Variants in SCN7A observed in about 807,000 individuals in gnomAD.
The protein encoded by SCN7A is sodium voltage-gated channel alpha subunit 7, also known as sodium channel protein type 7 subunit alpha.
SCN7A carries 138 observed loss-of-function variants against 155.2 expected under a neutral mutation model. The observed-to-expected ratio is 0.89, with a 90% CI of 0.77 to 1.02. SCN7A has a LOEUF of 1.02. Among genes scored for constraint, SCN7A ranks in the 50% least tolerant of loss-of-function variants. SCN7A has a pLI of 0.00. For synonymous variants in SCN7A, 693 were observed against 649.0 expected (o/e 1.07, Z -1.03); for missense variants, 2,058 against 1,986.6 (o/e 1.04, Z -0.68).
Position 166,423,426 on chromosome 2 carries a change from C to G in SCN7A, c.2860G>C (p.Glu954Gln). Residue 954 changes from glutamate (E) to glutamine (Q), a missense_variant, in exon 19 of 26, where the codon GAA becomes CAA. Coordinates refer to ENST00000643258, the MANE Select transcript of SCN7A (RefSeq NM_002976.4). The part of the protein sequence containing the change: ...TLLSTGTLAF[E>Q]DIYMDQRKTI... The stretch of plus-strand genomic sequence containing the variant: ...TTTCTCTGATCCATATATATATCTT[C>G]AAAAGCCTGTGGGTAAAAATAAAAA... 6.5e-7 allele frequency: 1 copy of G among 1,540,978 alleles called. No homozygotes were observed. The highest frequency in any genetic ancestry group is 8.7e-7 in the Non-Finnish European group (1 of 1,150,454).
intron 15 of SCN7A, among the ~76,000 whole-genome samples, chr2:166,440,371 C>T (rs1289908395): frequency 4.6e-5 from 7 of 152,138 alleles, no homozygotes; most frequent in African/African-American, 1.7e-4. Flanking sequence ...ACACAAATCA[C>T]CTGGGAACAG....
intron 2 of SCN7A, among the ~76,000 whole-genome samples, chr2:166,479,236 T>C (rs1321345773): frequency 1.3e-5 from 2 of 152,150 alleles, no homozygotes; most frequent in African/African-American, 4.8e-5. Flanking sequence ...AGTGAGTTGT[T>C]TAATACTTTA....
rs191417723 is a variant in SCN7A, at chr2:166,459,669, A to G, written c.1084-2593T>C. On this transcript the variant is annotated intron_variant, in intron 10 of 25. Coordinates refer to ENST00000643258, the MANE Select transcript of SCN7A (RefSeq NM_002976.4). ...TAAAATCAAAACAAACTCTATCTATATTAGTCAGTAAAAACTTGGAGTACA... is the reference window on the plus strand; with the variant it reads ...TAAAATCAAAACAAACTCTATCTATGTTAGTCAGTAAAAACTTGGAGTACA... Among the ~76,000 whole-genome samples, 134 of 152,324 alleles carry G rather than the reference A, an allele frequency of 8.8e-4. No individual in the cohort carries two copies. In the Middle Eastern group the frequency reaches 0.01, roughly 12 times the overall value.
At chr2:166,408,033 A>G (rs926849964) in intron 25 of SCN7A, among the ~76,000 whole-genome samples, 14 of 151,896 alleles carry the variant, frequency 9.2e-5, no homozygotes, top group Admixed American at 4.6e-4. Flanking sequence ...CTCTATCTTG[A>G]AGACTCTATT....
chr2:166,432,772 G>A lies in SCN7A; in HGVS notation c.2158-20C>T, dbSNP rs940618365. 6.8e-6 allele frequency: 10 copies of A among 1,475,474 alleles called. No individual in the cohort carries two copies. The highest frequency in any genetic ancestry group is 9.0e-6 in the Non-Finnish European group (10 of 1,111,708). 91.4% of individuals were successfully genotyped at this position (1,475,474 alleles called of 1,614,324 possible). On this transcript the variant is annotated intron_variant, in intron 15 of 25. Coordinates refer to ENST00000643258, the MANE Select transcript of SCN7A (RefSeq NM_002976.4). ...AAGTACCTAAATAAGGAAGTAAAAT[G>A]AGGCTAAATGTATCTCATTTTGTTT...
chr2:166,412,601 A>G lies in SCN7A; in HGVS notation c.3535T>C (p.Phe1179Leu), dbSNP rs1477187166. The G allele has an allele frequency of 6.6e-7, 1 of 1,524,118 alleles. No individual in the cohort carries two copies. Among genetic ancestry groups the G allele is most frequent in the East Asian group, 2.5e-5 (1 of 39,830 alleles). The allele number at this position is 1,524,118 out of a possible 1,614,324, so 94.4% of individuals were successfully genotyped here. A position where few individuals can be genotyped will look rare whatever the true frequency, so the allele number is the denominator to read the frequency against. The change falls in exon 23 of 26, where the codon TTT (phenylalanine) becomes CTT (leucine). Residue 1179 changes from phenylalanine (F) to leucine (L), a missense_variant. Phe to Leu is a conservative substitution (Grantham distance 22, BLOSUM62 0). Coordinates refer to ENST00000643258, the MANE Select transcript of SCN7A (RefSeq NM_002976.4). ...MYCYFINFII[F>L]GVFLPLSMLI... ...ATACTCAGAGGGAGAAATACTCCAA[A>G]TATAATAAAGTTGATAAAGTAACAA...
chr2:166,486,172 T>C (rs1381893337), intron 2 of SCN7A, among the ~76,000 whole-genome samples: 1 of 152,204 alleles, frequency 6.6e-6, no homozygotes, highest in Non-Finnish European at 1.5e-5. Context: ...CTGACCTCCT[T>C]GAGTATCCTC....
At chr2:166,414,698 G>T (rs1701322348) in intron 21 of SCN7A, 1 of 135,960 alleles carries the variant, frequency 7.4e-6, no homozygotes, top group Non-Finnish European at 1.5e-5. Flanking sequence ...ATAGATACAC[G>T]AGCTTACTTC....
At chr2:166,455,954 G>T (rs946517330) in intron 11 of SCN7A, among the ~76,000 whole-genome samples, 2 of 151,986 alleles carry the variant, frequency 1.3e-5, no homozygotes, top group Admixed American at 1.3e-4. Flanking sequence ...TGCCAGTATC[G>T]TTAGACTACA....
At chr2:166,407,015 G>A (rs935364567) in intron 25 of SCN7A, among the ~76,000 whole-genome samples, 5 of 151,856 alleles carry the variant, frequency 3.3e-5, no homozygotes, top group Admixed American at 1.3e-4. Context: ...AATCTTTATT[G>A]AATGCCCAAT....
Position 166,427,875 on chromosome 2 carries a change from G to T in SCN7A, c.2766C>A (p.Asn922Lys), listed in dbSNP as rs768085928. Residue 922 changes from asparagine to lysine, a missense_variant, in exon 18 of 26, where the codon AAC (asparagine) becomes AAA (lysine). Asn to Lys is a moderately conservative substitution (Grantham distance 94, BLOSUM62 0). Coordinates refer to ENST00000643258, the MANE Select transcript of SCN7A (RefSeq NM_002976.4). ...CAATCTTGCAGCAGGTTTTCCTGAT[G>T]TTCTGCCAGATTTTTCCTTTCTTGG... ...GASKKGKIWQ[N>K]IRKTCCKIVE... 2.1e-5 allele frequency: 34 copies of T among 1,612,762 alleles called. No homozygotes were observed. Among genetic ancestry groups the T allele is most frequent in the Non-Finnish European group, 2.7e-5 (32 of 1,179,298 alleles).
intron 5 of SCN7A, 22 bp downstream of exon 5, chr2:166,473,777 A>G (rs774266139): frequency 4.9e-6 from 4 of 811,102 alleles, no homozygotes; most frequent in African/African-American, 3.7e-5. Flanking sequence ...GATATTATGT[A>G]TAAAATAATT....
intron 15 of SCN7A, among the ~76,000 whole-genome samples, chr2:166,438,461 C>T (rs2105426572): frequency 6.6e-6 from 1 of 152,196 alleles, no homozygotes; most frequent in South Asian, 2.1e-4. Flanking sequence ...GAAATTTGAA[C>T]CTATGTTTCT....
intron 19 of SCN7A, among the ~76,000 whole-genome samples, chr2:166,422,631 GA>G (rs2105392735): frequency 6.6e-6 from 1 of 152,268 alleles, no homozygotes; most frequent in South Asian, 2.1e-4. Context: ...TGGACAGGGG[GA>G]AGGAAGCATA....
intron 15 of SCN7A, among the ~76,000 whole-genome samples, chr2:166,437,744 T>C (rs1559103339): frequency 6.6e-6 from 1 of 152,100 alleles, no homozygotes; most frequent in Non-Finnish European, 1.5e-5. Flanking sequence ...TAAAAGGAGA[T>C]CATTTTGGAA....
In SCN7A at chr2:166,409,708, C is replaced by T. The variant is rs35864629; in HGVS notation, c.3939G>A (p.Ala1313=). The T allele has an allele frequency of 2.8e-3, 4,378 of 1,539,586 alleles. 5 individuals carry two copies. The highest frequency in any genetic ancestry group is 3.5e-3 in the Non-Finnish European group (4,009 of 1,142,998). ...IAFRCFYFTI[A]WNIFDFMVVI... is the part of the protein sequence containing the mutation. ...CCACCATAAAATCAAAAATGTTCCACGCAATGGTGAAATAAAAACAACGGA... is the reference window on the plus strand; with the variant it reads ...CCACCATAAAATCAAAAATGTTCCATGCAATGGTGAAATAAAAACAACGGA... Residue 1313 remains alanine (A), a synonymous_variant, in exon 25 of 26, where the codon GCG becomes GCA. Transcript: ENST00000643258.
At chr2:166,451,601 C>T (rs1334922247) in intron 11 of SCN7A, among the ~76,000 whole-genome samples, 1 of 152,176 alleles carries the variant, frequency 6.6e-6, no homozygotes, top group Non-Finnish European at 1.5e-5. Flanking sequence ...TTGTCATGGA[C>T]TCAGGGTTAC....
intron 16 of SCN7A, among the ~76,000 whole-genome samples, chr2:166,429,959 C>A (rs1469884428): frequency 1.3e-5 from 2 of 151,892 alleles, no homozygotes; most frequent in Non-Finnish European, 2.9e-5. Context: ...ATACTCTTTG[C>A]CTTTATTTAA....
rs1702730886 is a variant in SCN7A, at chr2:166,474,321, A to G, written c.258T>C (p.Asn86=). ...CCGCATTGAATCTGAAGATTGTTCTATTTTTATTTAATACTATGAAAGTCT... is the reference window on the plus strand; with the variant it reads ...CCGCATTGAATCTGAAGATTGTTCTGTTTTTATTTAATACTATGAAAGTCT... ...KKNTFIVLNK[N]RTIFRFNAAS... The change falls in exon 4 of 26, where the codon AAT becomes AAC. Residue 86 remains asparagine (N), a synonymous_variant. Coordinates refer to ENST00000643258, the MANE Select transcript of SCN7A (RefSeq NM_002976.4). The G allele has an allele frequency of 2.0e-6, 3 of 1,510,348 alleles. No individual in the cohort carries two copies. Among genetic ancestry groups the G allele is most frequent in the Non-Finnish European group, 8.9e-7 (1 of 1,117,598 alleles). The allele number at this position is 1,510,348 out of a possible 1,614,324, so 93.6% of individuals were successfully genotyped here. A position where few individuals can be genotyped will look rare whatever the true frequency, so the allele number is the denominator to read the frequency against.
Sources: gnomAD v4.1 joint callset for allele counts (sites outside exome capture counted in the v4.1 genomes callset) on GRCh38, gnomAD v4.1.1 for gene constraint, MANE v1.5 for transcripts, NCBI Gene and HGNC (gene_info 2026-07-23, HGNC 2026-07-21) for gene names.